Variants in GPR37 observed in about 807,000 individuals in gnomAD.
GPR37 encodes the protein prosaposin receptor GPR37.
In GPR37, 20 loss-of-function variants were observed where a neutral mutation model predicts 43.6. The ratio of observed to expected loss-of-function variants is 0.46; its 90% CI spans 0.32 to 0.67. The LOEUF (loss-of-function observed/expected upper bound fraction) is 0.67. Ranked by LOEUF, GPR37 falls within the 30% of genes least tolerant of loss-of-function variation. The pLI is 0.03. For missense variants in GPR37, 724 were observed against 797.2 expected, an observed-to-expected ratio of 0.91 and a Z score of 1.11; for synonymous variants, 315 against 322.6, an observed-to-expected ratio of 0.98 and a Z score of 0.25.
intron 1 of GPR37, among the ~76,000 whole-genome samples, chr7:124,762,227 C>T (rs565644678): frequency 1.3e-5 from 2 of 152,048 alleles, no homozygotes; most frequent in Non-Finnish European, 2.9e-5. Context: ...ATTAAATTAA[C>T]CAAAGTTTTT....
rs761290228 is a variant in GPR37 at position 124,764,804 on chromosome 7, C to G, written c.173G>C (p.Gly58Ala). The G allele has an allele frequency of 1.2e-6, 2 of 1,613,514 alleles. No homozygotes were observed. Among genetic ancestry groups the G allele is most frequent in the South Asian group, 2.2e-5 (2 of 91,078 alleles). The change falls in exon 1 of 2, where the codon GGA (glycine) becomes GCA (alanine). Residue 58 changes from glycine to alanine, a missense_variant. Around this residue, in one of 2 missense-constraint regions of GPR37, gnomAD observed 382 missense variants for 355.4 expected, o/e 1.07. Coordinates refer to ENST00000303921, the MANE Select transcript of GPR37 (RefSeq NM_005302.5). This position sits in a 1 kb window ranked among gnomAD's most constrained non-coding sequence, Gnocchi z 5.4. ...VIQRRGRDAWGPGNSARDVLR... is the reference protein window; with the variant it reads ...VIQRRGRDAWAPGNSARDVLR... ...AACGTCTCTTGCAGAATTTCCCGGT[C>G]CCCAGGCGTCCCTGCCGCGGCGCTG...
At chr7:124,763,025 G>A (rs998921931) in intron 1 of GPR37, among the ~76,000 whole-genome samples, 1 of 152,190 alleles carries the variant, frequency 6.6e-6, no homozygotes. Context: ...GCCATTTAAA[G>A]AGCAAAGTCC....
chr7:124,763,946 G>A lies in GPR37; in HGVS notation c.1023+8C>T, dbSNP rs1219933070. ...GCCACTAGCTTGAGAGCCCCTGGAAGGCATTACCTCTATATAGGGCACGAT... is the reference window on the plus strand; with the variant it reads ...GCCACTAGCTTGAGAGCCCCTGGAAAGCATTACCTCTATATAGGGCACGAT... On this transcript the variant is annotated splice_region_variant and intron_variant, in intron 1 of 1. Transcript: ENST00000303921. 1 of 1,612,746 alleles carries A rather than the reference G, an allele frequency of 6.2e-7. No homozygotes were observed. The highest frequency in any genetic ancestry group is 2.2e-5 in the East Asian group (1 of 44,842).
rs114852344 is a variant in GPR37 at position 124,765,493 on chromosome 7, C to A, written c.-517G>T. 1,686 of 153,258 alleles carry A rather than the reference C, an allele frequency of 0.011. 27 individuals are homozygous for A. Among genetic ancestry groups the A allele is most frequent in the African/African-American group, 0.038 (1,585 of 41,628 alleles). 9.5% of individuals were successfully genotyped at this position (153,258 alleles called of 1,614,324 possible). On this transcript the variant is annotated 5_prime_UTR_variant, in exon 1 of 2. Transcript: ENST00000303921. ...TCCCCCAGACGACTCGCAGTCACAA[C>A]CCCGCTCCCAGCTCGCTGGAAACAC...
chr7:124,750,561 T>A (rs886698932), intron 1 of GPR37, among the ~76,000 whole-genome samples: 1 of 152,130 alleles, frequency 6.6e-6, no homozygotes, highest in Non-Finnish European at 1.5e-5. Context: ...AAAGATAGCA[T>A]CTTCTCTATT....
At chr7:124,751,916 C>T (rs114485023) in intron 1 of GPR37, among the ~76,000 whole-genome samples, 140 of 152,108 alleles carry the variant, frequency 9.2e-4, no homozygotes, top group African/African-American at 3.2e-3. Context: ...AGAGACAAGA[C>T]TATTAATTTT....
At chr7:124,763,892 C>CT in intron 1 of GPR37, 62 bp downstream of exon 1, 1 of 1,465,274 alleles carries the variant, frequency 6.8e-7, no homozygotes, top group Non-Finnish European at 9.4e-7. Flanking sequence ...CAGCAGTTCT[C>CT]TGATGCTATA....
At chr7:124,759,959 C>G (rs1793833550) in intron 1 of GPR37, among the ~76,000 whole-genome samples, 2 of 152,116 alleles carry the variant, frequency 1.3e-5, no homozygotes, top group South Asian at 4.1e-4. Flanking sequence ...TCAGATTATG[C>G]TAACGCTCAA....
intron 1 of GPR37, among the ~76,000 whole-genome samples, chr7:124,751,116 C>T (rs1185199063): frequency 2.0e-5 from 3 of 152,080 alleles, no homozygotes; most frequent in Non-Finnish European, 4.4e-5. Context: ...TCTGATAGTA[C>T]TCTCTGCAGT....
In GPR37 at chr7:124,745,317, T is replaced by C. The variant is rs1357384937; in HGVS notation, c.*1208A>G. ...ATATCACTGTGTCACTAGGTCATGG[T>C]CTCTGCCACCTGAGTTAGACATGTG... On this transcript the variant is annotated 3_prime_UTR_variant, in exon 2 of 2. Coordinates refer to ENST00000303921, the MANE Select transcript of GPR37 (RefSeq NM_005302.5). 1.3e-5 allele frequency among the ~76,000 whole-genome samples: 2 copies of C among 152,168 alleles called. No homozygotes were observed. Among genetic ancestry groups the C allele is most frequent in the East Asian group, 3.9e-4 (2 of 5,186 alleles).
At chr7:124,761,790 T>C (rs1325861165) in intron 1 of GPR37, among the ~76,000 whole-genome samples, 2 of 152,222 alleles carry the variant, frequency 1.3e-5, no homozygotes, top group African/African-American at 4.8e-5. Flanking sequence ...CCAATAATTA[T>C]TTTTATAAAC....
chr7:124,763,818 A>G, intron 1 of GPR37, 136 bp downstream of exon 1: 1 of 772,000 alleles, frequency 1.3e-6, no homozygotes, highest in Non-Finnish European at 2.1e-6. Context: ...AAATGATTGG[A>G]AAGAGAAATG....
At chr7:124,759,935 T>A (rs2116324619) in intron 1 of GPR37, among the ~76,000 whole-genome samples, 1 of 152,090 alleles carries the variant, frequency 6.6e-6, no homozygotes, top group East Asian at 1.9e-4. Context: ...TTCCCCAAAA[T>A]CCCACGATTC....
chr7:124,744,369 A>T lies in GPR37; in HGVS notation c.*2156T>A, dbSNP rs1793645061. 1 of 152,166 alleles carries T rather than the reference A, an allele frequency of 6.6e-6. No individual in the cohort carries two copies. Among genetic ancestry groups the T allele is most frequent in the Admixed American group, 6.6e-5 (1 of 15,260 alleles). The allele number at this position is 152,166 out of a possible 1,614,324, so 9.4% of individuals were successfully genotyped here. A position where few individuals can be genotyped will look rare whatever the true frequency, so the allele number is the denominator to read the frequency against. ...TCTTTCAAAACATGGTCCTATTATT[A>T]GATGGCCTTGGTGCATATTTTCTTT... On this transcript the variant is annotated 3_prime_UTR_variant, in exon 2 of 2. Coordinates refer to ENST00000303921, the MANE Select transcript of GPR37 (RefSeq NM_005302.5).
chr7:124,762,692 T>C (rs1384022128), intron 1 of GPR37, among the ~76,000 whole-genome samples: 1 of 152,192 alleles, frequency 6.6e-6, no homozygotes, highest in Non-Finnish European at 1.5e-5. Context: ...GCTGATTTCA[T>C]AGTCATGGAA....
chr7:124,748,208 G>C (rs1021702983), intron 1 of GPR37, among the ~76,000 whole-genome samples: 2 of 152,128 alleles, frequency 1.3e-5, no homozygotes, highest in Non-Finnish European at 2.9e-5. Flanking sequence ...AAAAAAGAGA[G>C]AGAGATAATG....
chr7:124,763,861 C>T (rs1232554469), intron 1 of GPR37, 93 bp downstream of exon 1: 7 of 1,093,162 alleles, frequency 6.4e-6, no homozygotes, highest in Non-Finnish European at 8.0e-6. Context: ...GAAAGGCGTT[C>T]AGCTAGATAG....
At chr7:124,759,371 T>C (rs911933014) in intron 1 of GPR37, among the ~76,000 whole-genome samples, 1 of 152,084 alleles carries the variant, frequency 6.6e-6, no homozygotes, top group Non-Finnish European at 1.5e-5. Context: ...CTGGCCCAAA[T>C]TATTTGGTTT....
intron 1 of GPR37, among the ~76,000 whole-genome samples, chr7:124,757,028 G>A (rs1793799636): frequency 6.6e-6 from 1 of 152,074 alleles, no homozygotes; most frequent in Non-Finnish European, 1.5e-5. Context: ...TACCTTGGGA[G>A]CCCTCAGGAG....
Sources: allele counts gnomAD v4.1 joint callset (sites outside exome capture counted in the v4.1 genomes callset), GRCh38; gene constraint gnomAD v4.1.1; regional missense constraint gnomAD v4.1.1; non-coding constraint Gnocchi (gnomAD v3.1); transcripts MANE v1.5; gene names NCBI Gene and HGNC (gene_info 2026-07-23, HGNC 2026-07-21).